The following TOX variants were observed in gnomAD, a reference collection of about 807,000 sequenced individuals.
TOX encodes thymocyte selection-associated high mobility group box protein TOX.
Under a neutral mutation model 53.7 loss-of-function variants are expected in TOX, and 11 were observed. The observed-to-expected ratio is 0.20, with a 90% CI of 0.13 to 0.34. TOX has a LOEUF of 0.34. Ranked by LOEUF, TOX falls within the 10% of genes least tolerant of loss-of-function variation. The pLI is 1.00. For missense variants in TOX, 570 were observed against 664.6 expected (o/e 0.86, Z 1.56); for synonymous variants, 225 against 245.3 (o/e 0.92, Z 0.77).
In TOX at chr8:59,118,817, C is replaced by G. The variant is rs575479042; in HGVS notation, c.102+69G>C. The stretch of plus-strand genomic sequence containing the variant: ...CCGCCAAGCCGGCCCCGCCGCGGCC[C>G]GGCCACCGCCGCTCCCCTCCCAGGA... On this transcript the variant is annotated intron_variant, in intron 1 of 8. Transcript: ENST00000361421. This position sits in a 1 kb window ranked among gnomAD's most constrained non-coding sequence, Gnocchi z 4.1. 35 of 1,305,384 alleles carry G rather than the reference C, an allele frequency of 2.7e-5. No homozygotes were observed. In the African/African-American group the frequency reaches 5.0e-4, roughly 19 times the overall value. The allele number at this position is 1,305,384 out of a possible 1,614,324, so 80.9% of individuals were successfully genotyped here.
intron 1 of TOX, among the ~76,000 whole-genome samples, chr8:58,979,345 G>A (rs1035308134): frequency 6.6e-6 from 1 of 152,112 alleles, no homozygotes; most frequent in Admixed American, 6.5e-5. Flanking sequence ...TTGTGTTTCA[G>A]GCTATGTTGA....
chr8:58,937,352 G>A (rs756346395), intron 3 of TOX, among the ~76,000 whole-genome samples: 1 of 152,242 alleles, frequency 6.6e-6, no homozygotes, highest in Non-Finnish European at 1.5e-5. Context: ...GTTTTTGACA[G>A]TAGGTTGGTG....
chr8:59,109,403 C>T (rs1440064694), intron 1 of TOX, among the ~76,000 whole-genome samples: 10 of 152,052 alleles, frequency 6.6e-5, no homozygotes, highest in Admixed American at 5.2e-4. Context: ...TTAACTGACT[C>T]GAGGCTAAGG....
At chr8:58,902,395 T>C (rs1381017474) in intron 3 of TOX, among the ~76,000 whole-genome samples, 2 of 152,122 alleles carry the variant, frequency 1.3e-5, no homozygotes, top group Non-Finnish European at 2.9e-5. Context: ...CGGTGCCAGA[T>C]GCAGGACGGG....
intron 4 of TOX, among the ~76,000 whole-genome samples, chr8:58,842,246 T>G (rs1291405197): frequency 6.6e-6 from 1 of 152,144 alleles, no homozygotes; most frequent in Admixed American, 6.5e-5. Context: ...GTCAGCAGAC[T>G]GCGTGGGGAA....
intron 1 of TOX, among the ~76,000 whole-genome samples, chr8:59,108,819 A>G (rs1481066610): frequency 6.6e-6 from 1 of 151,904 alleles, no homozygotes; most frequent in Non-Finnish European, 1.5e-5. Context: ...CTTCAATACA[A>G]ACTGAGGGTA....
At chr8:58,939,207 T>C (rs1447314468) in intron 3 of TOX, 95 bp downstream of exon 3, 2 of 1,453,980 alleles carry the variant, frequency 1.4e-6, no homozygotes, top group Non-Finnish European at 1.9e-6. Context: ...AGTTTCAGAA[T>C]GCTATTATCA....
intron 1 of TOX, among the ~76,000 whole-genome samples, chr8:59,102,315 C>T (rs966565152): frequency 1.3e-5 from 2 of 152,106 alleles, no homozygotes; most frequent in Non-Finnish European, 1.5e-5. Context: ...GCAACCTCTA[C>T]CTCCTGGGTT....
At chr8:58,975,586 G>A (rs530679832) in intron 1 of TOX, among the ~76,000 whole-genome samples, 29 of 152,222 alleles carry the variant, frequency 1.9e-4, no homozygotes, top group Non-Finnish European at 2.8e-4. Flanking sequence ...TTAAGTGTGT[G>A]ATAGAATTAT....
At chr8:59,084,082 T>C (rs1255297300) in intron 1 of TOX, among the ~76,000 whole-genome samples, 1 of 152,196 alleles carries the variant, frequency 6.6e-6, no homozygotes, top group Non-Finnish European at 1.5e-5. Flanking sequence ...TCTTTACCCA[T>C]AGGTTTAAGT....
chr8:58,905,715 C>A (rs553668232), intron 3 of TOX, among the ~76,000 whole-genome samples: 2 of 152,212 alleles, frequency 1.3e-5, no homozygotes, highest in Middle Eastern at 3.2e-3. Context: ...TCACAACGTG[C>A]GCCATGCTTG....
At chr8:58,889,212 C>CAAAAAAAAAAAA (rs10556451) in intron 3 of TOX, among the ~76,000 whole-genome samples, 2 of 114,438 alleles carry the variant, frequency 1.7e-5, no homozygotes, top group Non-Finnish European at 3.6e-5. Context: ...TTTACAATAG[C>CAAAAAAAAAAAA]AAAAAAAAAA....
intron 1 of TOX, among the ~76,000 whole-genome samples, chr8:58,967,564 A>G (rs1258743444): frequency 2.0e-5 from 3 of 152,086 alleles, no homozygotes; most frequent in Non-Finnish European, 4.4e-5. Context: ...AGCAATTTAT[A>G]TAGATAAGCT....
chr8:58,893,806 T>C (rs1460810406), intron 3 of TOX, among the ~76,000 whole-genome samples: 1 of 152,192 alleles, frequency 6.6e-6, no homozygotes, highest in East Asian at 1.9e-4. Context: ...TTTAAAACTG[T>C]TTAAGGTGAA....
At chr8:59,074,674 T>C (rs554491934) in intron 1 of TOX, among the ~76,000 whole-genome samples, 1 of 152,150 alleles carries the variant, frequency 6.6e-6, no homozygotes, top group Non-Finnish European at 1.5e-5. Flanking sequence ...TCAAGGTGAA[T>C]TGGAATCTCA....
intron 1 of TOX, among the ~76,000 whole-genome samples, chr8:59,067,046 T>G (rs1251814859): frequency 6.6e-6 from 1 of 152,064 alleles, no homozygotes; most frequent in East Asian, 1.9e-4. Context: ...AAATACTGAG[T>G]TACATACCAA....
At chr8:58,874,153 GT>G (rs1337248286) in intron 3 of TOX, among the ~76,000 whole-genome samples, 1 of 150,916 alleles carries the variant, frequency 6.6e-6, no homozygotes, top group African/African-American at 2.4e-5. Context: ...TTTCTATCAG[GT>G]TTCTAAGTGC....
chr8:59,084,108 C>T (rs1016827083), intron 1 of TOX, among the ~76,000 whole-genome samples: 6 of 151,920 alleles, frequency 3.9e-5, no homozygotes, highest in Non-Finnish European at 5.9e-5. Context: ...TCTGTATGAC[C>T]GCACCGCAGA....
chr8:58,906,400 G>T (rs899127139), intron 3 of TOX, among the ~76,000 whole-genome samples: 1 of 152,236 alleles, frequency 6.6e-6, no homozygotes, highest in East Asian at 1.9e-4. Context: ...TGAAGCATCA[G>T]ATGTAAATTG....
Sources: gnomAD v4.1 joint callset for allele counts (sites outside exome capture counted in the v4.1 genomes callset) on GRCh38, gnomAD v4.1.1 for gene constraint, Gnocchi (gnomAD v3.1) non-coding constraint, MANE v1.5 for transcripts, NCBI Gene and HGNC (gene_info 2026-07-23, HGNC 2026-07-21) for gene names.